Variants in TFDP2 observed in about 807,000 individuals in gnomAD.
TFDP2 encodes transcription factor Dp-2, also known as transcription factor Dp-2 (E2F dimerization partner 2).
In TFDP2, 17 loss-of-function variants were observed where a neutral mutation model predicts 59.3. The ratio of observed to expected loss-of-function variants is 0.29; its 90% CI spans 0.20 to 0.43. The LOEUF (loss-of-function observed/expected upper bound fraction) is 0.43. Among genes scored for constraint, TFDP2 ranks in the 20% least tolerant of loss-of-function variants. The pLI, the probability that TFDP2 is intolerant of heterozygous loss-of-function variation, is 1.00. For synonymous variants in TFDP2, 180 were observed against 194.7 expected (o/e 0.92, Z 0.63); for missense variants, 391 against 528.8 (o/e 0.74, Z 2.56).
chr3:141,998,215 A>G (rs1021880284), intron 4 of TFDP2, among the ~76,000 whole-genome samples: 1 of 152,226 alleles, frequency 6.6e-6, no homozygotes, highest in Non-Finnish European at 1.5e-5. Flanking sequence ...GAAATAAAAC[A>G]GAAGGAAAGT....
chr3:141,984,921 GTTC>G (rs569959132), intron 6 of TFDP2, among the ~76,000 whole-genome samples: 72 of 152,140 alleles, frequency 4.7e-4, no homozygotes, highest in African/African-American at 1.2e-3. Context: ...TCATTTTACT[GTTC>G]TTCTTCTTTT....
At chr3:142,140,385 C>T (rs543670481) in intron 1 of TFDP2, among the ~76,000 whole-genome samples, 59 of 152,298 alleles carry the variant, frequency 3.9e-4, no homozygotes, top group African/African-American at 1.3e-3. Context: ...AGTCATTCTC[C>T]GTCCAGCTTT....
At chr3:142,010,561 A>G (rs1944582269) in intron 3 of TFDP2, among the ~76,000 whole-genome samples, 1 of 147,662 alleles carries the variant, frequency 6.8e-6, no homozygotes, top group Non-Finnish European at 1.5e-5. Flanking sequence ...GTGAGCCAAG[A>G]TCGCGCTAAT....
intron 3 of TFDP2, among the ~76,000 whole-genome samples, chr3:142,082,938 CT>C (rs1179830883): frequency 6.6e-6 from 1 of 152,066 alleles, no homozygotes; most frequent in Non-Finnish European, 1.5e-5. Context: ...AAGTGAAAGC[CT>C]TTCCTATAAG....
At chr3:142,108,558 T>C (rs11713191) in intron 1 of TFDP2, among the ~76,000 whole-genome samples, 12,961 of 152,270 alleles carry the variant, frequency 0.085, 693 homozygotes, top group Middle Eastern at 0.14. Context: ...GATTTGTCTC[T>C]ATATTTCAAC....
Position 141,970,069 on chromosome 3 carries a change from T to C in TFDP2, c.732+4A>G. The C allele has an allele frequency of 6.2e-7, 1 of 1,613,800 alleles. No individual in the cohort carries two copies. Among genetic ancestry groups the C allele is most frequent in the South Asian group, 1.1e-5 (1 of 91,092 alleles). ...AGGTAATGAAAACATCTCGGTATCT[T>C]TACCTGTAGGAGAAGTTCTTGCAGC... On this transcript the variant is annotated splice_donor_region_variant and intron_variant, in intron 9 of 12. Coordinates refer to ENST00000489671, the MANE Select transcript of TFDP2 (RefSeq NM_001178139.2).
chr3:142,044,812 T>C (rs1947244921), intron 3 of TFDP2, among the ~76,000 whole-genome samples: 1 of 152,204 alleles, frequency 6.6e-6, no homozygotes, highest in Non-Finnish European at 1.5e-5. Flanking sequence ...TCCTTCTTAT[T>C]AGTTATACAA....
At chr3:142,033,904 A>C (rs1946551351) in intron 3 of TFDP2, among the ~76,000 whole-genome samples, 1 of 152,104 alleles carries the variant, frequency 6.6e-6, no homozygotes, top group Admixed American at 6.6e-5. Context: ...TAGCTTTCAA[A>C]CTTACTTCCC....
At chr3:142,041,716 C>G (rs1361065225) in intron 3 of TFDP2, among the ~76,000 whole-genome samples, 1 of 152,180 alleles carries the variant, frequency 6.6e-6, no homozygotes, top group East Asian at 1.9e-4. Context: ...ATGAATCATG[C>G]TTTTGGCGTT....
intron 3 of TFDP2, among the ~76,000 whole-genome samples, chr3:142,019,814 T>C (rs923479974): frequency 1.3e-5 from 2 of 152,196 alleles, no homozygotes; most frequent in African/African-American, 2.4e-5. Flanking sequence ...AAATGCAACC[T>C]TGAGTTTACT....
intron 4 of TFDP2, among the ~76,000 whole-genome samples, chr3:142,004,472 G>A (rs1378320881): frequency 6.6e-6 from 1 of 152,162 alleles, no homozygotes; most frequent in Non-Finnish European, 1.5e-5. Flanking sequence ...AAATGTTTGA[G>A]TACTTTTACT....
intron 1 of TFDP2, among the ~76,000 whole-genome samples, chr3:142,111,829 G>A (rs554030592): frequency 2.6e-5 from 4 of 152,198 alleles, no homozygotes; most frequent in Non-Finnish European, 5.9e-5. Flanking sequence ...ACTTTGGGGG[G>A]CTGAGGCAGG....
At position 141,968,363 on chromosome 3, in the gene TFDP2, C is replaced by A. The variant is rs1171258024; in HGVS notation, c.732+1710G>T. Among the ~76,000 whole-genome samples the A allele has an allele frequency of 1.0e-3, 87 of 84,210 alleles. 3 individuals are homozygous for A. Among genetic ancestry groups the A allele is most frequent in the African/African-American group, 2.7e-3 (70 of 25,762 alleles). The allele number at this position is 84,210 out of a possible 152,430, so 55.2% of individuals were successfully genotyped here. A position where few individuals can be genotyped will look rare whatever the true frequency, so the allele number is the denominator to read the frequency against. On this transcript the variant is annotated intron_variant, in intron 9 of 12. Transcript: ENST00000489671. Reference sequence around the variant, plus strand: ...ATATATAACTATATATAACATATATCTCATATATAACATATATCTCATATA... The same window carrying A: ...ATATATAACTATATATAACATATATATCATATATAACATATATCTCATATA...
chr3:141,989,916 CAG>C (rs762901850), intron 6 of TFDP2, among the ~76,000 whole-genome samples: 236 of 142,380 alleles, frequency 1.7e-3, no homozygotes, highest in Non-Finnish European at 2.8e-3. Context: ...ATTATTGAGA[CAG>C]AGTCTCCCTC....
At chr3:142,064,645 A>G (rs1450630499) in intron 3 of TFDP2, among the ~76,000 whole-genome samples, 3 of 152,156 alleles carry the variant, frequency 2.0e-5, no homozygotes, top group Non-Finnish European at 4.4e-5. Flanking sequence ...TGCTTTTCAT[A>G]TGTAAATGGG....
At chr3:141,969,879 G>A (rs781714243) in intron 9 of TFDP2, among the ~76,000 whole-genome samples, 194 bp downstream of exon 9, 2 of 152,204 alleles carry the variant, frequency 1.3e-5, no homozygotes, top group Non-Finnish European at 2.9e-5. Context: ...CTGTGGAGCT[G>A]AGATGATGGC....
At chr3:142,125,608 T>C (rs1266156168) in intron 1 of TFDP2, among the ~76,000 whole-genome samples, 2 of 151,906 alleles carry the variant, frequency 1.3e-5, no homozygotes, top group Non-Finnish European at 2.9e-5. Context: ...GCTAAACACA[T>C]CATGGCCTAA....
chr3:142,112,878 A>T (rs2061709529), intron 1 of TFDP2, among the ~76,000 whole-genome samples: 1 of 152,204 alleles, frequency 6.6e-6, no homozygotes, highest in Non-Finnish European at 1.5e-5. Context: ...TTTCAAATAT[A>T]TTATGCAATA....
intron 3 of TFDP2, among the ~76,000 whole-genome samples, chr3:142,051,949 G>GT (rs978305696): frequency 3.2e-4 from 48 of 151,914 alleles, no homozygotes; most frequent in African/African-American, 1.0e-3. Context: ...AACATAGGGA[G>GT]ACCTCATCTC....
Sources: allele counts gnomAD v4.1 joint callset (sites outside exome capture counted in the v4.1 genomes callset), GRCh38; gene constraint gnomAD v4.1.1; transcripts MANE v1.5; gene names NCBI Gene and HGNC (gene_info 2026-07-23, HGNC 2026-07-21).